The following IGF2BP3 variants were observed in gnomAD, a reference collection of about 807,000 sequenced individuals.
IGF2BP3 encodes the protein insulin like growth factor 2 mRNA binding protein 3.
IGF2BP3 carries 9 observed loss-of-function variants against 73.8 expected under a neutral mutation model. The ratio of observed to expected loss-of-function variants is 0.12; its 90% confidence interval spans 0.07 to 0.21. IGF2BP3 has a LOEUF of 0.21. Ranked by LOEUF, IGF2BP3 falls within the 10% of genes least tolerant of loss-of-function variation. The pLI is 1.00. For missense variants in IGF2BP3, 542 were observed against 714.0 expected (o/e 0.76, Z 2.75); for synonymous variants, 258 against 256.7 (o/e 1.01, Z -0.05).
At position 23,470,287 on chromosome 7, in the gene IGF2BP3, T is replaced by A. The variant is rs770110325; in HGVS notation, c.-177A>T. 8.9e-5 allele frequency: 45 copies of A among 503,918 alleles called. No homozygotes were observed. The highest frequency in any genetic ancestry group is 1.4e-4 in the Non-Finnish European group (39 of 287,168). The allele number at this position is 503,918 out of a possible 1,614,324, so 31.2% of individuals were successfully genotyped here. On this transcript the variant is annotated 5_prime_UTR_variant, in exon 1 of 15. Coordinates refer to ENST00000258729, the MANE Select transcript of IGF2BP3 (RefSeq NM_006547.3). ...AGTGAAAAATCAGATCCGAGGCTTG[T>A]TTTTTCCTTGTCTAGATGTGTTTTA...
At position 23,313,617 on chromosome 7, in the gene IGF2BP3, T is replaced by C; in HGVS notation, c.1432A>G (p.Asn478Asp). The change falls in exon 13 of 15, where the codon AAC becomes GAC. Residue 478 changes from asparagine to aspartate, a missense_variant. By Grantham distance (23) the Asn-to-Asp change is conservative. Coordinates refer to ENST00000258729, the MANE Select transcript of IGF2BP3 (RefSeq NM_006547.3). ...GRIYGKIKEE[N>D]FVSPKEEVKL... ...ACCTCTTCTTTAGGACTAACAAAGT[T>C]TTCTTCTTTAATTTTTCCATAAATT... The C allele has an allele frequency of 6.2e-7, 1 of 1,613,980 alleles. No homozygotes were observed. The highest frequency in any genetic ancestry group is 8.5e-7 in the Non-Finnish European group (1 of 1,179,956).
chr7:23,370,083 G>A (rs1265622975), intron 3 of IGF2BP3, among the ~76,000 whole-genome samples: 1 of 152,118 alleles, frequency 6.6e-6, no homozygotes, highest in Non-Finnish European at 1.5e-5. Context: ...TCAGTTACCT[G>A]GTACTACTTC....
intron 10 of IGF2BP3, among the ~76,000 whole-genome samples, chr7:23,341,830 G>A (rs1784720597): frequency 6.6e-6 from 1 of 151,920 alleles, no homozygotes; most frequent in Non-Finnish European, 1.5e-5. Flanking sequence ...TTCTTCCCCT[G>A]CCACCTCAAA....
At position 23,448,309 on chromosome 7, in the gene IGF2BP3, T is replaced by A. The variant is rs112119722; in HGVS notation, c.236+20173A>T. On this transcript the variant is annotated intron_variant, in intron 2 of 14. Transcript: ENST00000258729. ...TAGGGTTCATTTCAGTTTGAAGAAC[T>A]TAAGTGTATCGATAGATGCCCAGAT... 2.4e-3 allele frequency among the ~76,000 whole-genome samples: 361 copies of A among 152,370 alleles called. 2 individuals carry two copies. The highest frequency in any genetic ancestry group is 8.3e-3 in the African/African-American group (347 of 41,592).
At chr7:23,453,363 G>T (rs1211109223) in intron 2 of IGF2BP3, among the ~76,000 whole-genome samples, 1 of 152,176 alleles carries the variant, frequency 6.6e-6, no homozygotes, top group Non-Finnish European at 1.5e-5. Flanking sequence ...TAGAGCTAGA[G>T]ATCTTTTTTG....
intron 2 of IGF2BP3, among the ~76,000 whole-genome samples, chr7:23,454,910 A>C (rs1342986368): frequency 6.6e-6 from 1 of 152,238 alleles, no homozygotes; most frequent in East Asian, 1.9e-4. Flanking sequence ...AAAAAATTAC[A>C]TGGGCTCAGT....
rs937868248 is a variant in IGF2BP3, at chr7:23,361,584, C to T, written c.351G>A (p.Ser117=). 4.3e-6 allele frequency: 7 copies of T among 1,613,274 alleles called. No homozygotes were observed. The highest frequency in any genetic ancestry group is 3.3e-5 in the South Asian group (3 of 91,028). Residue 117 remains serine (S), a synonymous_variant, in exon 5 of 15, where the codon TCG becomes TCA. Transcript: ENST00000258729. ...AGGTTACATTTACAACTGCAGTTTC[C>T]GAGTCAGTGTTCACTAGAGGAAGAG... is the stretch of plus-strand genomic sequence containing the variant. The part of the protein sequence containing the change: ...VESCEQVNTD[S]ETAVVNVTYS...
At chr7:23,443,066 G>A (rs6957923) in intron 2 of IGF2BP3, among the ~76,000 whole-genome samples, 51,910 of 146,114 alleles carry the variant, frequency 0.36, 9,369 homozygotes, top group Middle Eastern at 0.43. Flanking sequence ...AAAGTAAACC[G>A]TATCAATCAG....
At chr7:23,439,316 G>A (rs377283635) in intron 2 of IGF2BP3, among the ~76,000 whole-genome samples, 12 of 151,946 alleles carry the variant, frequency 7.9e-5, no homozygotes, top group Non-Finnish European at 1.2e-4. Flanking sequence ...ACTTTGGGAC[G>A]CCGAGGTGGG....
At chr7:23,320,857 G>A (rs1046843457) in intron 10 of IGF2BP3, among the ~76,000 whole-genome samples, 11 of 150,316 alleles carry the variant, frequency 7.3e-5, no homozygotes, top group African/African-American at 2.7e-4. Context: ...GGCTGAGATG[G>A]GAGGATCACT....
intron 2 of IGF2BP3, among the ~76,000 whole-genome samples, chr7:23,429,244 A>G (rs549975912): frequency 6.6e-6 from 1 of 152,224 alleles, no homozygotes; most frequent in Non-Finnish European, 1.5e-5. Context: ...TTTCACAGAA[A>G]GTCTCTTATA....
At chr7:23,467,501 G>C (rs1788592284) in intron 2 of IGF2BP3, among the ~76,000 whole-genome samples, 1 of 152,236 alleles carries the variant, frequency 6.6e-6, no homozygotes, top group South Asian at 2.1e-4. Flanking sequence ...GAAAGGCTTA[G>C]AGGCCCACCC....
At chr7:23,379,236 G>A (rs947688201) in intron 3 of IGF2BP3, among the ~76,000 whole-genome samples, 1 of 152,150 alleles carries the variant, frequency 6.6e-6, no homozygotes, top group African/African-American at 2.4e-5. Flanking sequence ...GGCAAACCAA[G>A]GTTTCCCCAC....
intron 10 of IGF2BP3, among the ~76,000 whole-genome samples, chr7:23,320,947 C>CAAAAAAAAAAAAAAAAAAAAAAAAAAA (rs70966008): frequency 1.0e-5 from 1 of 96,538 alleles, no homozygotes; most frequent in Non-Finnish European, 2.0e-5. Flanking sequence ...AACTCTGTCT[C>CAAAAAAAAAAAAAAAAAAAAAAAAAAA]AAAAAAAAAA....
chr7:23,332,107 C>G (rs1784461057), intron 10 of IGF2BP3, among the ~76,000 whole-genome samples: 2 of 152,174 alleles, frequency 1.3e-5, no homozygotes, highest in South Asian at 4.1e-4. Context: ...TCACCTCCCA[C>G]TGACAAGTGG....
chr7:23,343,696 T>C (rs1224137677), intron 9 of IGF2BP3, 22 bp downstream of exon 9: 5 of 1,595,344 alleles, frequency 3.1e-6, no homozygotes, highest in Non-Finnish European at 3.4e-6. Context: ...AATAAAGACA[T>C]GCCCTTCATA....
chr7:23,386,263 C>T (rs897298636), intron 3 of IGF2BP3, among the ~76,000 whole-genome samples: 4 of 152,128 alleles, frequency 2.6e-5, no homozygotes, highest in African/African-American at 9.7e-5. Flanking sequence ...CTTTGGGAGG[C>T]CAAGGCAGAT....
rs1362988797 is a variant in IGF2BP3 at position 23,317,698 on chromosome 7, C to T, written c.1336G>A (p.Ala446Thr). The T allele has an allele frequency of 1.2e-6, 2 of 1,613,964 alleles. No individual in the cohort carries two copies. The highest frequency in any genetic ancestry group is 2.7e-5 in the African/African-American group (2 of 74,934). The part of the protein sequence containing the change: ...GASIKIAPAE[A>T]PDAKVRMVII... ...ACCATCCTCACTTTAGCATCTGGTG[C>T]TTCCGCTGGAGCAATCTGTAACAGA... The change falls in exon 12 of 15, where the codon GCA (alanine) becomes ACA (threonine). Residue 446 changes from alanine to threonine, a missense_variant. Ala to Thr is a moderately conservative substitution (Grantham distance 58). Transcript: ENST00000258729.
chr7:23,372,319 C>T (rs1785578388), intron 3 of IGF2BP3, among the ~76,000 whole-genome samples: 1 of 152,076 alleles, frequency 6.6e-6, no homozygotes, highest in African/African-American at 2.4e-5. Context: ...GTGATCTGCC[C>T]CCCCTGGCCT....
Sources: gnomAD v4.1 joint callset for allele counts (sites outside exome capture counted in the v4.1 genomes callset) on GRCh38, gnomAD v4.1.1 for gene constraint, MANE v1.5 for transcripts, NCBI Gene and HGNC (gene_info 2026-07-23, HGNC 2026-07-21) for gene names.